The following MAGI2 variants were observed in gnomAD, a reference collection of about 807,000 sequenced individuals.
MAGI2 encodes membrane associated guanylate kinase, WW and PDZ domain containing 2, also known as membrane-associated guanylate kinase, WW and PDZ domain-containing protein 2.
Under a neutral mutation model 133.3 loss-of-function variants are expected in MAGI2, and 35 were observed. The observed-to-expected ratio is 0.26, with a 90% CI of 0.20 to 0.35. MAGI2 has a LOEUF of 0.35. Ranked by LOEUF, MAGI2 falls within the 10% of genes least tolerant of loss-of-function variation. MAGI2 has a pLI of 1.00. For synonymous variants in MAGI2, 729 were observed against 710.6 expected (o/e 1.03, Z -0.41); for missense variants, 1,636 against 1,863.4 (o/e 0.88, Z 2.25).
At chr7:78,151,921 C>T (rs1823911193) in intron 16 of MAGI2, among the ~76,000 whole-genome samples, 1 of 152,124 alleles carries the variant, frequency 6.6e-6, no homozygotes, top group African/African-American at 2.4e-5. Flanking sequence ...GAGAAGCATA[C>T]AGCCCCATCG....
At chr7:78,657,461 T>C (rs1479199589) in intron 2 of MAGI2, among the ~76,000 whole-genome samples, 2 of 152,114 alleles carry the variant, frequency 1.3e-5, no homozygotes, top group African/African-American at 4.8e-5. Context: ...CTGTGGCACA[T>C]CCAAAAAATG....
chr7:78,809,151 A>G (rs1255515323), intron 2 of MAGI2, among the ~76,000 whole-genome samples: 2 of 152,178 alleles, frequency 1.3e-5, no homozygotes, highest in Non-Finnish European at 2.9e-5. Context: ...GCAATATAAC[A>G]CTGGATCTGG....
At chr7:78,463,242 G>GGAGAGACACCAA (rs1315419206) in intron 6 of MAGI2, among the ~76,000 whole-genome samples, 2 of 152,228 alleles carry the variant, frequency 1.3e-5, no homozygotes, top group East Asian at 3.9e-4. Flanking sequence ...CACGAAAGCA[G>GGAGAGACACCAA]GAGAGACACC....
At chr7:78,087,732 A>AG (rs1307941037) in intron 20 of MAGI2, among the ~76,000 whole-genome samples, 3 of 152,230 alleles carry the variant, frequency 2.0e-5, no homozygotes, top group Non-Finnish European at 4.4e-5. Flanking sequence ...TTTTAGATGA[A>AG]GTTCTTAGGA....
chr7:78,382,850 G>A (rs1795050021), intron 6 of MAGI2, among the ~76,000 whole-genome samples: 2 of 151,756 alleles, frequency 1.3e-5, no homozygotes, highest in Non-Finnish European at 2.9e-5. Flanking sequence ...TATAACTGAG[G>A]ACATATGATA....
In MAGI2 at chr7:78,478,288, G is replaced by A. The variant is rs181437523; in HGVS notation, c.1045+11473C>T. ...GCAAAGAACATGAACTCATCTAAAG[G>A]AAAAATATTTAATCTAGTTTCCCTT... On this transcript the variant is annotated intron_variant, in intron 6 of 21. Coordinates refer to ENST00000354212, the MANE Select transcript of MAGI2 (RefSeq NM_012301.4). Among the ~76,000 whole-genome samples, 213 of 151,922 alleles carry A rather than the reference G, an allele frequency of 1.4e-3. 1 individual carries two copies. The highest frequency in any genetic ancestry group is 6.8e-3 in the Middle Eastern group (2 of 294).
At position 79,045,685 on chromosome 7, in the gene MAGI2, C is replaced by T. The variant is rs184089543; in HGVS notation, c.302-38479G>A. Among the ~76,000 whole-genome samples, 12 of 152,110 alleles carry T rather than the reference C, an allele frequency of 7.9e-5. 1 individual carries two copies. Among genetic ancestry groups the T allele is most frequent in the South Asian group, 2.1e-4 (1 of 4,814 alleles). ...CGGGCACCTGTAGTCCCAGCTATGC[C>T]GGAGGCTGAGGCAGGAGAATGGCGT... is the stretch of plus-strand genomic sequence containing the variant. On this transcript the variant is annotated intron_variant, in intron 1 of 21. Coordinates refer to ENST00000354212, the MANE Select transcript of MAGI2 (RefSeq NM_012301.4).
At chr7:78,763,874 A>G (rs1824756774) in intron 2 of MAGI2, among the ~76,000 whole-genome samples, 2 of 152,178 alleles carry the variant, frequency 1.3e-5, no homozygotes, top group African/African-American at 4.8e-5. Flanking sequence ...ATTAATTTCA[A>G]TTCTCTCATT....
chr7:78,935,292 CAG>C (rs1282467313), intron 2 of MAGI2, among the ~76,000 whole-genome samples: 1 of 152,074 alleles, frequency 6.6e-6, no homozygotes, highest in Non-Finnish European at 1.5e-5. Context: ...TGACAAGTCT[CAG>C]TTGAATATGT....
At chr7:78,668,682 T>C (rs1395359122) in intron 2 of MAGI2, among the ~76,000 whole-genome samples, 3 of 152,026 alleles carry the variant, frequency 2.0e-5, no homozygotes, top group African/African-American at 7.2e-5. Context: ...TTTCTCAGGT[T>C]TGTCAAAATG....
intron 3 of MAGI2, among the ~76,000 whole-genome samples, chr7:78,583,848 C>T (rs1036607995): frequency 2.0e-5 from 3 of 152,168 alleles, no homozygotes; most frequent in African/African-American, 7.2e-5. Context: ...AAGTCAGTTT[C>T]ATTTCTCTTG....
intron 6 of MAGI2, among the ~76,000 whole-genome samples, chr7:78,404,256 T>C (rs558536569): frequency 9.2e-5 from 14 of 152,266 alleles, no homozygotes; most frequent in African/African-American, 2.4e-4. Context: ...AGGTAATTTA[T>C]AGATTCAATG....
At position 78,812,586 on chromosome 7, in the gene MAGI2, A is replaced by ATGTGTGTGTGTGTGTGTGTG. The variant is rs10542588; in HGVS notation, c.419-185367_419-185348dup. Among the ~76,000 whole-genome samples, 271 of 149,434 alleles carry ATGTGTGTGTGTGTGTGTGTG rather than the reference A, an allele frequency of 1.8e-3. 1 individual carries two copies. The highest frequency in any genetic ancestry group is 6.2e-3 in the African/African-American group (251 of 40,540). On this transcript the variant is annotated intron_variant, in intron 2 of 21. Coordinates refer to ENST00000354212, the MANE Select transcript of MAGI2 (RefSeq NM_012301.4). ...GTTATCTACCTACATATATGTATGTATGTGTGTGTGTGTGTGTGTGTGTGT... is the reference window on the plus strand; with the variant it reads ...GTTATCTACCTACATATATGTATGTATGTGTGTGTGTGTGTGTGTGTGTGTGTGTGTGTGTGTGTGTGTGT...
At chr7:79,092,053 A>G (rs1014193596) in intron 1 of MAGI2, among the ~76,000 whole-genome samples, 3 of 152,106 alleles carry the variant, frequency 2.0e-5, no homozygotes, top group Non-Finnish European at 4.4e-5. Context: ...AAAGAAGCTC[A>G]TTCATGATTC....
At chr7:78,197,161 G>C (rs1304112507) in intron 11 of MAGI2, among the ~76,000 whole-genome samples, 1 of 152,178 alleles carries the variant, frequency 6.6e-6, no homozygotes, top group African/African-American at 2.4e-5. Flanking sequence ...AAGCTATTCT[G>C]GGTTTCCTTG....
intron 1 of MAGI2, among the ~76,000 whole-genome samples, chr7:79,232,733 T>C (rs1178159907): frequency 7.1e-4 from 92 of 129,386 alleles, no homozygotes; most frequent in African/African-American, 2.8e-3. Context: ...GTTGATCCTT[T>C]CAAAAAACCA....
At chr7:78,369,494 C>A (rs1793713143) in intron 6 of MAGI2, among the ~76,000 whole-genome samples, 8 of 152,054 alleles carry the variant, frequency 5.3e-5, no homozygotes, top group Admixed American at 5.2e-4. Context: ...ACGTTATCAC[C>A]ATTTAGTGCA....
At chr7:78,899,863 A>T (rs1797483214) in intron 2 of MAGI2, among the ~76,000 whole-genome samples, 1 of 152,166 alleles carries the variant, frequency 6.6e-6, no homozygotes, top group Admixed American at 6.5e-5. Context: ...ATACAGGAAA[A>T]ACATGTTTAT....
intron 1 of MAGI2, among the ~76,000 whole-genome samples, chr7:79,171,879 G>T (rs1448514711): frequency 6.7e-6 from 1 of 148,864 alleles, no homozygotes; most frequent in Admixed American, 6.8e-5. Context: ...CATCCCAAAG[G>T]TATTAGTCTT....
Sources: allele counts gnomAD v4.1 joint callset (sites outside exome capture counted in the v4.1 genomes callset), GRCh38; gene constraint gnomAD v4.1.1; transcripts MANE v1.5; gene names NCBI Gene and HGNC (gene_info 2026-07-23, HGNC 2026-07-21).